The following MYOM3 variants were observed in gnomAD, a reference collection of about 807,000 sequenced individuals.
The protein encoded by MYOM3 is myomesin 3.
MYOM3 carries 155 observed loss-of-function variants against 191.7 expected under a neutral mutation model. The ratio of observed to expected loss-of-function variants is 0.81; its 90% CI spans 0.71 to 0.92. MYOM3 has a LOEUF of 0.92. Among genes scored for constraint, MYOM3 ranks in the 40% least tolerant of loss-of-function variants. MYOM3 has a pLI of 0.00. For synonymous variants in MYOM3, 757 were observed against 762.9 expected (o/e 0.99, Z 0.13); for missense variants, 1,889 against 1,890.6 (o/e 1.00, Z 0.02).
rs967176179 is a variant in MYOM3 at position 24,111,590 on chromosome 1, G to A, written c.-19+441C>T. On this transcript the variant is annotated intron_variant, in intron 1 of 36. Transcript: ENST00000374434. The surrounding 1 kb of genome is among the most constrained non-coding windows in gnomAD (Gnocchi z 4.7). The stretch of plus-strand genomic sequence containing the variant: ...CTTCCAGCTCTAAGATTTGGGATCC[G>A]AGGGCTCGCTCTCTTTCCCTGCCTG... Among the ~76,000 whole-genome samples the A allele has an allele frequency of 2.0e-5, 3 of 152,138 alleles. No homozygotes were observed. Among genetic ancestry groups the A allele is most frequent in the African/African-American group, 7.2e-5 (3 of 41,416 alleles).
chr1:24,065,841 G>T, intron 29 of MYOM3, 50 bp downstream of exon 29: 1 of 1,413,134 alleles, frequency 7.1e-7, no homozygotes, highest in Non-Finnish European at 1.0e-6. Context: ...GGCCCTCCCT[G>T]GCTTGCAGCC....
intron 10 of MYOM3, among the ~76,000 whole-genome samples, chr1:24,092,545 G>A (rs1425283180): frequency 1.3e-5 from 2 of 152,044 alleles, no homozygotes; most frequent in African/African-American, 4.8e-5. Context: ...TGAACAAGTG[G>A]AATAATTAAT....
At position 24,071,109 on chromosome 1, in the gene MYOM3, C is replaced by G. The variant is rs1256895700; in HGVS notation, c.3150+8G>C. ...GCCTCACTTCAGGGATTGTGAGCAC[C>G]CAATTACCGGCGAGCTGAAGATCTC... On this transcript the variant is annotated splice_region_variant and intron_variant, in intron 25 of 36. Transcript: ENST00000374434. 1.2e-6 allele frequency: 2 copies of G among 1,613,190 alleles called. No individual in the cohort carries two copies. Among genetic ancestry groups the G allele is most frequent in the East Asian group, 2.2e-5 (1 of 44,846 alleles).
intron 20 of MYOM3, among the ~76,000 whole-genome samples, chr1:24,078,028 T>C (rs1479828894): frequency 6.6e-6 from 1 of 152,136 alleles, no homozygotes; most frequent in Non-Finnish European, 1.5e-5. Flanking sequence ...TTTTAAGTGA[T>C]AAAGCACAAC....
At chr1:24,099,358 T>C (rs984909942) in intron 6 of MYOM3, among the ~76,000 whole-genome samples, 23 of 152,218 alleles carry the variant, frequency 1.5e-4, no homozygotes, top group African/African-American at 5.3e-4. Flanking sequence ...CTTCCCAGCA[T>C]GCCTAGTTCA....
At position 24,095,145 on chromosome 1, in the gene MYOM3, C is replaced by T. The variant is rs894163824; in HGVS notation, c.791-155G>A. On this transcript the variant is annotated intron_variant, in intron 8 of 36. Transcript: ENST00000374434. ...TGGGGTAGGAGGGGAAGAGACTTAT[C>T]TAGGTAGTGGTCAGAGCAGCCAAAG... Among the ~76,000 whole-genome samples, 115 of 152,170 alleles carry T rather than the reference C, an allele frequency of 7.6e-4. 3 individuals are homozygous for T. Among genetic ancestry groups the T allele is most frequent in the Non-Finnish European group, 2.9e-5 (2 of 68,030 alleles).
At chr1:24,068,643 A>G (rs1643485194) in intron 25 of MYOM3, among the ~76,000 whole-genome samples, 1 of 151,992 alleles carries the variant, frequency 6.6e-6, no homozygotes, top group African/African-American at 2.4e-5. Flanking sequence ...ATTTAATAAT[A>G]AGTCCCGAAC....
At chr1:24,093,884 C>T (rs1278653667) in intron 9 of MYOM3, among the ~76,000 whole-genome samples, 3 of 152,164 alleles carry the variant, frequency 2.0e-5, no homozygotes, top group Non-Finnish European at 4.4e-5. Context: ...ACTCTGGGTC[C>T]TTAGGCTATA....
intron 6 of MYOM3, among the ~76,000 whole-genome samples, chr1:24,098,909 C>T (rs761574803): frequency 1.1e-4 from 16 of 152,168 alleles, no homozygotes; most frequent in Non-Finnish European, 1.9e-4. Flanking sequence ...CAGGCCCTGT[C>T]GCATAGTAGC....
At chr1:24,080,926 G>C (rs1274200805) in intron 19 of MYOM3, among the ~76,000 whole-genome samples, 1 of 152,176 alleles carries the variant, frequency 6.6e-6, no homozygotes, top group Non-Finnish European at 1.5e-5. Flanking sequence ...GTGGCCAACT[G>C]TCCATTTGTC....
Position 24,092,268 on chromosome 1 carries a change from G to T in MYOM3, c.1138C>A (p.Arg380=). The change falls in exon 11 of 37, where the codon CGA becomes AGA. Residue 380 remains arginine (R), a synonymous_variant. Coordinates refer to ENST00000374434, the MANE Select transcript of MYOM3 (RefSeq NM_152372.4). ...PGAPGSPLNV[R]CLDVNRDCLI... is the part of the protein sequence containing the mutation. The stretch of plus-strand genomic sequence containing the variant: ...CAGTCTCTGTTCACATCCAGGCATC[G>T]GACGTTCAGTGGGGAGCCTGGGGCC... The T allele has an allele frequency of 3.6e-6, 5 of 1,396,652 alleles. No individual in the cohort carries two copies. 86.5% of individuals were successfully genotyped at this position (1,396,652 alleles called of 1,614,324 possible).
At position 24,082,148 on chromosome 1, in the gene MYOM3, G is replaced by A. The variant is rs759116192; in HGVS notation, c.2133C>T (p.Cys711=). Residue 711 remains cysteine (C), a synonymous_variant, in exon 18 of 37, where the codon TGC becomes TGT. Transcript: ENST00000374434. ...ACCCAATGACCATTTCATTCTTCCC[G>A]CAGTTCAGGAGGGCAAAGCCATATG... The part of the protein sequence containing the change: ...SAPYGFALLN[C]GKNEMVIGWK... The A allele has an allele frequency of 2.2e-5, 36 of 1,613,116 alleles. 1 individual carries two copies. The highest frequency in any genetic ancestry group is 1.9e-4 in the African/African-American group (14 of 74,882).
intron 16 of MYOM3, chr1:24,084,227 G>C: frequency 2.0e-6 from 1 of 497,782 alleles, no homozygotes; most frequent in South Asian, 2.1e-5. Flanking sequence ...TTGGAAGTGT[G>C]TAGCACTTCC....
Position 24,089,961 on chromosome 1 carries a change from C to T in MYOM3, c.1486+104G>A. On this transcript the variant is annotated intron_variant, in intron 13 of 36. Coordinates refer to ENST00000374434, the MANE Select transcript of MYOM3 (RefSeq NM_152372.4). ...CCAACTAGGCCCCACCTGCCCTCAT[C>T]CCCCACACCCTGCACTGGGACAGCT... 7 of 1,203,720 alleles carry T rather than the reference C, an allele frequency of 5.8e-6. No homozygotes were observed. The South Asian group carries it at 8.0e-5, about 14-fold the overall frequency. The allele number at this position is 1,203,720 out of a possible 1,614,324, so 74.6% of individuals were successfully genotyped here. A position where few individuals can be genotyped will look rare whatever the true frequency, so the allele number is the denominator to read the frequency against.
intron 25 of MYOM3, 117 bp downstream of exon 25, chr1:24,071,000 C>G (rs914445149): frequency 4.6e-6 from 6 of 1,302,510 alleles, no homozygotes; most frequent in Non-Finnish European, 5.4e-6. Flanking sequence ...CAAAAGCACA[C>G]CGTCATTTCT....
rs1194924468 is a variant in MYOM3 at position 24,060,436 on chromosome 1, T to G, written c.3994+624A>C. On this transcript the variant is annotated intron_variant, in intron 35 of 36. Coordinates refer to ENST00000374434, the MANE Select transcript of MYOM3 (RefSeq NM_152372.4). Reference sequence around the variant, plus strand: ...GCGGTGTGAGTTTTCTTGTCTGTTCTTAGAGCTGTGCTGTCTCCTTCTATG... The same window carrying G: ...GCGGTGTGAGTTTTCTTGTCTGTTCGTAGAGCTGTGCTGTCTCCTTCTATG... 2.0e-5 allele frequency among the ~76,000 whole-genome samples: 3 copies of G among 152,244 alleles called. No homozygotes were observed. The East Asian group carries it at 5.8e-4, about 29-fold the overall frequency.
At chr1:24,077,900 T>G (rs768529252) in intron 20 of MYOM3, among the ~76,000 whole-genome samples, 2 of 152,248 alleles carry the variant, frequency 1.3e-5, no homozygotes, top group Non-Finnish European at 1.5e-5. Flanking sequence ...CAGAGTCCCC[T>G]GGCTGAGGCT....
At chr1:24,078,059 G>A (rs1643622789) in intron 20 of MYOM3, among the ~76,000 whole-genome samples, 1 of 151,942 alleles carries the variant, frequency 6.6e-6, no homozygotes, top group African/African-American at 2.4e-5. Context: ...GGACTAAAGC[G>A]CCCCTGGCAG....
intron 16 of MYOM3, chr1:24,084,267 C>T (rs1197685436): frequency 3.4e-6 from 2 of 584,510 alleles, no homozygotes; most frequent in South Asian, 2.0e-5. Flanking sequence ...CTCCTGCTCC[C>T]GCCATGTAAG....
Sources: gnomAD v4.1 joint callset for allele counts (sites outside exome capture counted in the v4.1 genomes callset) on GRCh38, gnomAD v4.1.1 for gene constraint, Gnocchi (gnomAD v3.1) non-coding constraint, MANE v1.5 for transcripts, NCBI Gene and HGNC (gene_info 2026-07-23, HGNC 2026-07-21) for gene names.